Variants in PLEKHA7 observed in about 807,000 individuals in gnomAD.
PLEKHA7 encodes pleckstrin homology domain containing A7.
Under a neutral mutation model 170.0 loss-of-function variants are expected in PLEKHA7, and 104 were observed. That is an observed-to-expected ratio of 0.61 (90% CI 0.52 to 0.72). The LOEUF (loss-of-function observed/expected upper bound fraction) is 0.72, where lower values mean the gene tolerates loss of function less well. Among genes scored for constraint, PLEKHA7 ranks in the 30% least tolerant of loss-of-function variants. The pLI is 0.00. For missense variants in PLEKHA7, 1,615 were observed against 1,671.7 expected, an observed-to-expected ratio of 0.97 and a Z score of 0.59; for synonymous variants, 648 against 660.8, an observed-to-expected ratio of 0.98 and a Z score of 0.30.
At chr11:16,904,535 T>A (rs569130313) in intron 3 of PLEKHA7, among the ~76,000 whole-genome samples, 3 of 152,218 alleles carry the variant, frequency 2.0e-5, no homozygotes, top group Admixed American at 2.0e-4. Flanking sequence ...TAATCTCAAT[T>A]ATCTTTACAA....
chr11:16,799,753 G>C (rs1357660631), intron 17 of PLEKHA7, among the ~76,000 whole-genome samples: 1 of 152,230 alleles, frequency 6.6e-6, no homozygotes, highest in East Asian at 1.9e-4. Context: ...ATGTTAGCCA[G>C]TGTGGATGAA....
At chr11:16,846,061 G>A (rs1852381492) in intron 8 of PLEKHA7, among the ~76,000 whole-genome samples, 1 of 152,078 alleles carries the variant, frequency 6.6e-6, no homozygotes, top group Non-Finnish European at 1.5e-5. Flanking sequence ...GAGGCGGGTG[G>A]GTCACCTGAG....
Position 16,816,218 on chromosome 11 carries a change from A to G in PLEKHA7, c.1913T>C (p.Met638Thr), listed in dbSNP as rs771566291. Residue 638 changes from methionine to threonine, a missense_variant, in exon 12 of 27, where the codon ATG becomes ACG. Met to Thr is a moderately conservative substitution (Grantham distance 81). Coordinates refer to ENST00000531066, the MANE Select transcript of PLEKHA7 (RefSeq NM_001329630.2). ...DRRSMPSMGY[M>T]THTVSAPSLH... ...ACTGGGAGCGCTGACGGTGTGGGTCATGTAACCCATGGAGGGCATGGAGCG... is the reference window on the plus strand; with the variant it reads ...ACTGGGAGCGCTGACGGTGTGGGTCGTGTAACCCATGGAGGGCATGGAGCG... The G allele has an allele frequency of 1.2e-6, 2 of 1,614,054 alleles. No homozygotes were observed. The highest frequency in any genetic ancestry group is 1.1e-5 in the South Asian group (1 of 91,078).
intron 3 of PLEKHA7, among the ~76,000 whole-genome samples, chr11:16,924,496 C>T (rs1859343767): frequency 6.6e-6 from 1 of 152,116 alleles, no homozygotes; most frequent in Admixed American, 6.5e-5. Flanking sequence ...CTGGAAGCTG[C>T]CTTGAGGAAG....
In PLEKHA7 at chr11:17,008,731, G is replaced by T. The variant is rs553579282; in HGVS notation, c.221+5258C>A. 2.0e-5 allele frequency among the ~76,000 whole-genome samples: 3 copies of T among 152,304 alleles called. No homozygotes were observed. In the East Asian group the frequency reaches 5.8e-4, roughly 29 times the overall value. The stretch of plus-strand genomic sequence containing the variant: ...CAAGGAACAGCCTTGGCACAGGCAA[G>T]GTGGCTGAGCCCCTCTTCTCTGCCA... On this transcript the variant is annotated intron_variant, in intron 3 of 26. Coordinates refer to ENST00000531066, the MANE Select transcript of PLEKHA7 (RefSeq NM_001329630.2).
Position 16,791,194 on chromosome 11 carries a change from A to G in PLEKHA7, c.2751T>C (p.Asp917=), listed in dbSNP as rs1301638244. 1 of 1,589,628 alleles carries G rather than the reference A, an allele frequency of 6.3e-7. No individual in the cohort carries two copies. The highest frequency in any genetic ancestry group is 2.2e-5 in the East Asian group (1 of 44,532). The change falls in exon 20 of 27, where the codon GAT becomes GAC. Residue 917 remains aspartate (D), a synonymous_variant. Transcript: ENST00000531066. The surrounding 1 kb of genome is among the most constrained non-coding windows in gnomAD (Gnocchi z 4.5). ...SPTKAKPKVE[D]EAPPRPPLPE... is the part of the protein sequence containing the mutation. ...GGAGTGGGGGCCTGGGAGGTGCTTC[A>G]TCTTCCTGCTGAGAAAGAGAACCAG... is the stretch of plus-strand genomic sequence containing the variant.
At chr11:16,807,158 G>A (rs1477021007) in intron 13 of PLEKHA7, 18 of 984,908 alleles carry the variant, frequency 1.8e-5, no homozygotes, top group African/African-American at 1.7e-5. Context: ...CTCCTGGGCC[G>A]ACAGCCCCGT....
chr11:16,862,140 T>C (rs1174886087), intron 4 of PLEKHA7, among the ~76,000 whole-genome samples: 4 of 152,190 alleles, frequency 2.6e-5, no homozygotes, highest in African/African-American at 7.2e-5. Context: ...TGGCTTATTG[T>C]GTTCCTTCTC....
intron 26 of PLEKHA7, among the ~76,000 whole-genome samples, chr11:16,781,436 G>T (rs536365389): frequency 6.6e-6 from 1 of 152,306 alleles, no homozygotes; most frequent in South Asian, 2.1e-4. Context: ...CGAGAGGAGG[G>T]CATGGTATGG....
chr11:16,824,997 T>C (rs1047231084), intron 10 of PLEKHA7, among the ~76,000 whole-genome samples: 1 of 152,228 alleles, frequency 6.6e-6, no homozygotes, highest in African/African-American at 2.4e-5. Flanking sequence ...TGACACCTGG[T>C]CATTCTCAGT....
At chr11:16,783,632 GC>G (rs1849203786) in intron 25 of PLEKHA7, 67 bp downstream of exon 25, 1 of 1,323,406 alleles carries the variant, frequency 7.6e-7, no homozygotes, top group Admixed American at 3.8e-5. Context: ...CCGGCCCAGG[GC>G]CCACATGGTA....
intron 12 of PLEKHA7, among the ~76,000 whole-genome samples, chr11:16,815,758 C>T (rs1328441871): frequency 6.6e-6 from 1 of 152,098 alleles, no homozygotes; most frequent in Non-Finnish European, 1.5e-5. Context: ...TCAAATGATC[C>T]ACCCACCTCG....
At chr11:16,998,187 T>C (rs1425087372) in intron 3 of PLEKHA7, among the ~76,000 whole-genome samples, 2 of 152,100 alleles carry the variant, frequency 1.3e-5, no homozygotes, top group Non-Finnish European at 2.9e-5. Context: ...TAAACATTTG[T>C]AAAATAAACA....
chr11:16,909,770 C>T (rs956144708), intron 3 of PLEKHA7, among the ~76,000 whole-genome samples: 1 of 152,238 alleles, frequency 6.6e-6, no homozygotes, highest in Non-Finnish European at 1.5e-5. Context: ...GCTTGCTTCA[C>T]TGCCCACATT....
chr11:16,790,057 G>A, intron 21 of PLEKHA7, 179 bp from the exon 22 acceptor site: 1 of 617,988 alleles, frequency 1.6e-6, no homozygotes. Flanking sequence ...ATGGGGGCCA[G>A]CCCAGGGGTG....
intron 3 of PLEKHA7, among the ~76,000 whole-genome samples, chr11:17,012,904 T>C (rs1187820970): frequency 6.6e-6 from 1 of 152,188 alleles, no homozygotes. Flanking sequence ...TTTTCAACTA[T>C]TATGCAAGAA....
chr11:16,875,913 A>C (rs942637492), intron 3 of PLEKHA7, among the ~76,000 whole-genome samples: 1 of 152,132 alleles, frequency 6.6e-6, no homozygotes, highest in Non-Finnish European at 1.5e-5. Context: ...CAAATGAAGA[A>C]AGTAAGGTCC....
rs528703133 is a variant in PLEKHA7, at chr11:16,884,584, G to A, written c.222-13402C>T. On this transcript the variant is annotated intron_variant, in intron 3 of 26. Transcript: ENST00000531066. ...CAGGAGGCGGAGGTTGCAGTGAGCCGAGATTGCATCACTGCACTCCAGCCT... is the reference window on the plus strand; with the variant it reads ...CAGGAGGCGGAGGTTGCAGTGAGCCAAGATTGCATCACTGCACTCCAGCCT... Among the ~76,000 whole-genome samples the A allele has an allele frequency of 3.9e-5, 6 of 152,148 alleles. No individual in the cohort carries two copies. The East Asian group carries it at 7.7e-4, about 20-fold the overall frequency.
chr11:17,006,401 C>T (rs546891546), intron 3 of PLEKHA7, among the ~76,000 whole-genome samples: 46 of 149,440 alleles, frequency 3.1e-4, no homozygotes, highest in Non-Finnish European at 6.2e-4. Context: ...CCAAGGCAGG[C>T]GGATTGCCTG....
Sources: gnomAD v4.1 joint callset for allele counts (sites outside exome capture counted in the v4.1 genomes callset) on GRCh38, gnomAD v4.1.1 for gene constraint, Gnocchi (gnomAD v3.1) non-coding constraint, MANE v1.5 for transcripts, NCBI Gene and HGNC (gene_info 2026-07-23, HGNC 2026-07-21) for gene names.